Variants in DNAH14 observed in about 807,000 individuals in gnomAD.
DNAH14 encodes dynein axonemal heavy chain 14, also known as axonemal beta dynein heavy chain 14.
In DNAH14, 478 loss-of-function variants were observed where a neutral mutation model predicts 520.9. The observed-to-expected ratio is 0.92, with a 90% CI of 0.85 to 0.99. The LOEUF (loss-of-function observed/expected upper bound fraction) is 0.99. DNAH14 is among the 50% of genes least tolerant of loss of function. DNAH14 has a pLI of 0.00. For missense variants in DNAH14, 4,831 were observed against 5,234.5 expected (o/e 0.92, Z 2.38); for synonymous variants, 1,581 against 1,757.2 (o/e 0.90, Z 2.51).
At position 225,117,798 on chromosome 1, in the gene DNAH14, T is replaced by A; in HGVS notation, c.3972+10T>A. 6.5e-7 allele frequency: 1 copy of A among 1,538,800 alleles called. No homozygotes were observed. The highest frequency in any genetic ancestry group is 8.8e-7 in the Non-Finnish European group (1 of 1,136,164). On this transcript the variant is annotated intron_variant, in intron 24 of 85. Transcript: ENST00000682510. ...TCCTGAGTCTGTACAGGTAATAACA[T>A]CTTTCTCTGCTCAGCAATATTATAT... is the stretch of plus-strand genomic sequence containing the variant.
rs2093962802 is a variant in DNAH14, at chr1:225,294,491, A to G, written c.8469+4409A>G. ...ATAATTTCCTCTTTAATATTCTGGA[A>G]TATCTTGAGAATAATTAATATTAAT... On this transcript the variant is annotated intron_variant, in intron 55 of 85. Transcript: ENST00000682510. Among the ~76,000 whole-genome samples the G allele has an allele frequency of 3.3e-5, 5 of 152,140 alleles. No homozygotes were observed. The South Asian group carries it at 1.0e-3, about 31-fold the overall frequency.
chr1:225,346,803 TAATG>T (rs1054492329), intron 71 of DNAH14, 149 bp downstream of exon 71: 62 of 575,648 alleles, frequency 1.1e-4, no homozygotes, highest in South Asian at 8.2e-4. Context: ...AATAATTTTT[TAATG>T]AATGAATGAA....
intron 36 of DNAH14, among the ~76,000 whole-genome samples, chr1:225,179,268 C>T (rs2083693683): frequency 6.6e-6 from 1 of 152,088 alleles, no homozygotes. Context: ...TACTTATTTT[C>T]TGGTTGTTTT....
chr1:225,324,745 C>G lies in DNAH14; in HGVS notation c.9636C>G (p.Gly3212=), dbSNP rs959799080. 4.5e-6 allele frequency: 7 copies of G among 1,551,130 alleles called. No individual in the cohort carries two copies. The African/African-American group carries it at 8.2e-5, about 18-fold the overall frequency. ...NNYHEVQKVV[G]PKQIQVAEAQ... ...CTGACATTCTCTTTAAGGTTGTGGGCCCTAAACAAATCCAAGTAGCTGAAG... is the reference window on the plus strand; with the variant it reads ...CTGACATTCTCTTTAAGGTTGTGGGGCCTAAACAAATCCAAGTAGCTGAAG... Residue 3212 remains glycine (G), a synonymous_variant, in exon 64 of 86, where the codon GGC becomes GGG. Transcript: ENST00000682510.
intron 34 of DNAH14, among the ~76,000 whole-genome samples, chr1:225,154,221 T>C (rs1417226134): frequency 6.6e-6 from 1 of 152,054 alleles, no homozygotes; most frequent in Non-Finnish European, 1.5e-5. Flanking sequence ...AATGAAATAA[T>C]ATACCACATT....
In DNAH14 at chr1:225,351,714, A is replaced by G; in HGVS notation, c.11364A>G (p.Gln3788=). 6.4e-7 allele frequency: 1 copy of G among 1,551,272 alleles called. No homozygotes were observed. The highest frequency in any genetic ancestry group is 8.7e-7 in the Non-Finnish European group (1 of 1,146,722). Residue 3788 remains glutamine (Q), a synonymous_variant, in exon 72 of 86, where the codon CAA becomes CAG. Coordinates refer to ENST00000682510, the MANE Select transcript of DNAH14 (RefSeq NM_001367479.1). ...CAGATTCCAGGTGGAGGCAGTGCCA[A>G]TATGTCAGCACTCACCTGGAACCAT... ...WLSDSRWRQC[Q]YVSTHLEPFS...
At chr1:225,176,744 A>G (rs1249833720) in intron 36 of DNAH14, among the ~76,000 whole-genome samples, 5 of 152,156 alleles carry the variant, frequency 3.3e-5, no homozygotes, top group Admixed American at 2.0e-4. Flanking sequence ...CTGCCATTCC[A>G]TGTAAGAGGT....
intron 11 of DNAH14, among the ~76,000 whole-genome samples, chr1:225,025,863 A>C (rs1043501756): frequency 2.0e-5 from 3 of 152,186 alleles, no homozygotes; most frequent in Admixed American, 2.0e-4. Context: ...CTGACCTCTT[A>C]ACAATATTGA....
chr1:225,355,406 TCAC>T (rs765647355), intron 73 of DNAH14, among the ~76,000 whole-genome samples: 29 of 152,220 alleles, frequency 1.9e-4, no homozygotes, highest in South Asian at 8.3e-4. Flanking sequence ...CAGGTGTGCA[TCAC>T]CATGACAGGC....
At chr1:224,959,407 G>T (rs1297971320) in intron 3 of DNAH14, among the ~76,000 whole-genome samples, 1 of 152,090 alleles carries the variant, frequency 6.6e-6, no homozygotes, top group Non-Finnish European at 1.5e-5. Flanking sequence ...ACTATTGGTT[G>T]AAATAAAACT....
At chr1:225,288,989 A>G (rs2093807471) in intron 54 of DNAH14, among the ~76,000 whole-genome samples, 1 of 152,180 alleles carries the variant, frequency 6.6e-6, no homozygotes, top group African/African-American at 2.4e-5. Flanking sequence ...TAAAACAAGT[A>G]TCCACTCAAA....
chr1:225,135,218 G>T lies in DNAH14; in HGVS notation c.4255-5550G>T, dbSNP rs560871775. On this transcript the variant is annotated intron_variant, in intron 27 of 85. Transcript: ENST00000682510. ...TAGCTTTGGGGTTTGTTTGCTCTTGGTTCTCTAGTCCTTTTAGTTGAGATG... is the reference window on the plus strand; with the variant it reads ...TAGCTTTGGGGTTTGTTTGCTCTTGTTTCTCTAGTCCTTTTAGTTGAGATG... Among the ~76,000 whole-genome samples, 8 of 151,870 alleles carry T rather than the reference G, an allele frequency of 5.3e-5. No individual in the cohort carries two copies. The East Asian group carries it at 1.5e-3, about 29-fold the overall frequency.
chr1:225,028,980 A>G (rs925595800), intron 11 of DNAH14, among the ~76,000 whole-genome samples: 1 of 152,094 alleles, frequency 6.6e-6, no homozygotes, highest in East Asian at 1.9e-4. Flanking sequence ...ACATTTTTCT[A>G]TGGAGAAAAA....
rs2092586016 is a variant in DNAH14, at chr1:225,252,353, A to G, written c.6801A>G (p.Ile2267Met). ...CCATCTTTGGATATTTTGTGGATAT[A>G]GAGCAATGTGAATTCATACCTTGGT... The part of the protein sequence containing the change: ...ECSIFGYFVD[I>M]EQCEFIPWSD... Residue 2267 changes from isoleucine to methionine, a missense_variant, in exon 44 of 86, where the codon ATA (isoleucine) becomes ATG (methionine). Physicochemically the swap from Ile to Met is conservative, Grantham distance 10 (BLOSUM62 1). Transcript: ENST00000682510. 6.5e-7 allele frequency: 1 copy of G among 1,550,182 alleles called. No individual in the cohort carries two copies. The highest frequency in any genetic ancestry group is 1.4e-5 in the African/African-American group (1 of 73,140).
intron 1 of DNAH14, among the ~76,000 whole-genome samples, chr1:224,952,370 C>A (rs531824711): frequency 1.2e-4 from 18 of 152,262 alleles, no homozygotes; most frequent in African/African-American, 4.3e-4. Context: ...TAAAACTTAT[C>A]ATTATCTTTA....
At chr1:225,342,429 C>G (rs2095206362) in intron 69 of DNAH14, among the ~76,000 whole-genome samples, 1 of 152,082 alleles carries the variant, frequency 6.6e-6, no homozygotes, top group African/African-American at 2.4e-5. Flanking sequence ...ACAGTTCATG[C>G]AGAGAAGTCA....
chr1:225,257,907 G>A, intron 44 of DNAH14, 53 bp from the exon 45 acceptor site: 4 of 1,292,502 alleles, frequency 3.1e-6, no homozygotes, highest in Admixed American at 5.6e-5. Context: ...AAAAAGATGA[G>A]GTGAATAGTA....
At chr1:225,290,769 T>C (rs924450807) in intron 55 of DNAH14, among the ~76,000 whole-genome samples, 1 of 149,088 alleles carries the variant, frequency 6.7e-6, no homozygotes, top group Non-Finnish European at 1.5e-5. Flanking sequence ...GACATGATAA[T>C]TGTACATGTG....
At chr1:224,938,796 C>T (rs114902662) in intron 1 of DNAH14, among the ~76,000 whole-genome samples, 172 of 152,270 alleles carry the variant, frequency 1.1e-3, no homozygotes, top group African/African-American at 4.0e-3. Flanking sequence ...ACCTAAGTTC[C>T]CATCAATGGA....
Sources: gnomAD v4.1 joint callset for allele counts (sites outside exome capture counted in the v4.1 genomes callset) on GRCh38, gnomAD v4.1.1 for gene constraint, MANE v1.5 for transcripts, NCBI Gene and HGNC (gene_info 2026-07-23, HGNC 2026-07-21) for gene names.